The following MST1R variants were observed in gnomAD, a reference collection of about 807,000 sequenced individuals.
MST1R encodes macrophage-stimulating protein receptor.
Under a neutral mutation model 117.8 loss-of-function variants are expected in MST1R, and 99 were observed. The ratio of observed to expected loss-of-function variants is 0.84; its 90% CI spans 0.71 to 0.99. The LOEUF is 0.99. MST1R is among the 50% of genes least tolerant of loss of function. The pLI is 0.00. For missense variants in MST1R, 1,683 were observed against 1,840.2 expected, an observed-to-expected ratio of 0.91 and a Z score of 1.56; for synonymous variants, 734 against 765.3, an observed-to-expected ratio of 0.96 and a Z score of 0.68.
At chr3:49,897,130 G>A in intron 7 of MST1R, 150 bp downstream of exon 7, 1 of 1,263,148 alleles carries the variant, frequency 7.9e-7, no homozygotes. Flanking sequence ...TTGCCTCTGG[G>A]CTGAAGAGGG....
chr3:49,887,652 C>G, intron 19 of MST1R, 90 bp from the exon 20 acceptor site: 1 of 1,449,778 alleles, frequency 6.9e-7, no homozygotes, highest in Non-Finnish European at 9.5e-7. Flanking sequence ...GCAGGCCACA[C>G]AGGGATGAGG....
chr3:49,893,910 A>AAAAAT (rs1553624736), intron 14 of MST1R, among the ~76,000 whole-genome samples: 29 of 133,284 alleles, frequency 2.2e-4, no homozygotes, highest in South Asian at 6.9e-4. Context: ...AAAAAAAAAA[A>AAAAAT]AAAATAAAAT....
chr3:49,900,059 C>T (rs1287321503), intron 1 of MST1R, among the ~76,000 whole-genome samples: 3 of 152,302 alleles, frequency 2.0e-5, no homozygotes, highest in East Asian at 1.9e-4. Context: ...CTCTGGGCTT[C>T]GGTTTCCCCA....
intron 14 of MST1R, among the ~76,000 whole-genome samples, chr3:49,892,691 T>C (rs1215834434): frequency 6.9e-6 from 1 of 145,326 alleles, no homozygotes; most frequent in Non-Finnish European, 1.5e-5. Flanking sequence ...AAAAGGCTCA[T>C]GCCTTTAATC....
Position 49,903,420 on chromosome 3 carries a change from C to A in MST1R, c.190G>T (p.Asp64Tyr), listed in dbSNP as rs771749749. The change falls in exon 1 of 20, where the codon GAC becomes TAC. Residue 64 changes from aspartate to tyrosine, a missense_variant. Asp to Tyr is a radical substitution (Grantham distance 160). Transcript: ENST00000296474. Reference sequence around the variant, plus strand: ...ACAAACACAGCACTCTCATTTCTGTCGCCCTCGTAGGTCACCATGGCCTGT... The same window carrying A: ...ACAAACACAGCACTCTCATTTCTGTAGCCCTCGTAGGTCACCATGGCCTGT... ...LVQAMVTYEG[D>Y]RNESAVFVAI... is the part of the protein sequence containing the mutation. 1.9e-6 allele frequency: 3 copies of A among 1,613,904 alleles called. No individual in the cohort carries two copies. The East Asian group carries it at 6.7e-5, about 36-fold the overall frequency.
rs66742220 is a variant in MST1R at position 49,899,560 on chromosome 3, C to CT, written c.1231-298dup. On this transcript the variant is annotated intron_variant, in intron 1 of 19. Transcript: ENST00000296474. The stretch of plus-strand genomic sequence containing the variant: ...CCATCCTCACAACCACCCCGTACAT[C>CT]TTTTTTTTTTTTTTTTTTTTTTTTT... 7.5e-3 allele frequency: 495 copies of CT among 66,294 alleles called. 47 individuals carry two copies. Among genetic ancestry groups the CT allele is most frequent in the East Asian group, 0.016 (27 of 1,734 alleles). 4.1% of individuals were successfully genotyped at this position (66,294 alleles called of 1,614,324 possible). A position where few individuals can be genotyped will look rare whatever the true frequency, so the allele number is the denominator to read the frequency against.
chr3:49,902,401 C>A lies in MST1R; in HGVS notation c.1209G>T (p.Ser403=). 2 of 1,613,602 alleles carry A rather than the reference C, an allele frequency of 1.2e-6. No individual in the cohort carries two copies. Among genetic ancestry groups the A allele is most frequent in the South Asian group, 1.1e-5 (1 of 91,058 alleles). The change falls in exon 1 of 20, where the codon TCG becomes TCT. Residue 403 remains serine, a synonymous_variant. Coordinates refer to ENST00000296474, the MANE Select transcript of MST1R (RefSeq NM_002447.4). Reference sequence around the variant, plus strand: ...TTACCGGGTTGGGGCAAAAACTGGGCGACTGGAAGAAGTCGAGGCCTCGCC... The same window carrying A: ...TTACCGGGTTGGGGCAAAAACTGGGAGACTGGAAGAAGTCGAGGCCTCGCC... The part of the protein sequence containing the change: ...GLRRGLDFFQ[S]PSFCPNPPGL...
chr3:49,902,100 G>C (rs889070398), intron 1 of MST1R, among the ~76,000 whole-genome samples: 10 of 152,128 alleles, frequency 6.6e-5, no homozygotes, highest in Admixed American at 6.6e-4. Flanking sequence ...CACATAGCCA[G>C]GGAAACTACC....
intron 14 of MST1R, among the ~76,000 whole-genome samples, chr3:49,893,393 T>G (rs1014582814): frequency 2.0e-5 from 3 of 149,468 alleles, no homozygotes; most frequent in South Asian, 4.3e-4. Flanking sequence ...CACCTGAGGT[T>G]AGGAGTTTGA....
Position 49,896,628 on chromosome 3 carries a change from G to A in MST1R, c.2351C>T (p.Ser784Phe). Reference protein sequence around the residue: ...SISPNCGYINSHITICGQHLT... With the variant: ...SISPNCGYINFHITICGQHLT... ...ATGCTGGCCACAGATGGTGATGTGG[G>A]AGTTGCTGTGGAAGAGGGTAGGGTG... The change falls in exon 9 of 20, where the codon TCC (serine) becomes TTC (phenylalanine). Residue 784 changes from serine (S) to phenylalanine (F), a missense_variant. Physicochemically the swap from Ser to Phe is radical, Grantham distance 155. Transcript: ENST00000296474. 1.2e-6 allele frequency: 2 copies of A among 1,614,154 alleles called. No individual in the cohort carries two copies. Among genetic ancestry groups the A allele is most frequent in the Non-Finnish European group, 1.7e-6 (2 of 1,179,972 alleles).
In MST1R at chr3:49,896,833, G is replaced by C. The variant is rs761308530; in HGVS notation, c.2241C>G (p.Val747=). The C allele has an allele frequency of 1.3e-5, 20 of 1,556,180 alleles. No individual in the cohort carries two copies. Among genetic ancestry groups the C allele is most frequent in the East Asian group, 2.4e-5 (1 of 41,548 alleles). ...ATPPGATVAS[V]PLSLQVGGAQ... ...CACCCCCCACCTGCAGGCTAAGGGG[G>C]ACACTGGCCACCGTGGCCCCAGGGG... Residue 747 remains valine, a synonymous_variant, in exon 8 of 20, where the codon GTC becomes GTG. Transcript: ENST00000296474.
intron 14 of MST1R, among the ~76,000 whole-genome samples, chr3:49,893,898 C>CAAAA (rs1442289482): frequency 1.5e-5 from 2 of 130,052 alleles, no homozygotes; most frequent in Non-Finnish European, 3.3e-5. Context: ...GACTCCCTCT[C>CAAAA]AAAAAAAAAA....
chr3:49,897,869 A>T, intron 5 of MST1R, 182 bp downstream of exon 5: 1 of 1,134,184 alleles, frequency 8.8e-7, no homozygotes, highest in South Asian at 1.5e-5. Flanking sequence ...GTGAACAGAC[A>T]GGAAGGGCAC....
Position 49,896,896 on chromosome 3 carries a change from G to A in MST1R, c.2184-6C>T, listed in dbSNP as rs1300846603. 6.7e-7 allele frequency: 1 copy of A among 1,493,100 alleles called. No individual in the cohort carries two copies. The highest frequency in any genetic ancestry group is 1.4e-5 in the African/African-American group (1 of 71,184). The allele number at this position is 1,493,100 out of a possible 1,614,324, so 92.5% of individuals were successfully genotyped here. On this transcript the variant is annotated splice_polypyrimidine_tract_variant and splice_region_variant and intron_variant, in intron 7 of 19. Coordinates refer to ENST00000296474, the MANE Select transcript of MST1R (RefSeq NM_002447.4). ...AAAGCTGCCCCTCACTGACCCTACAGGAACAAGAGATTGGGCTCAAGGTTA... is the reference window on the plus strand; with the variant it reads ...AAAGCTGCCCCTCACTGACCCTACAAGAACAAGAGATTGGGCTCAAGGTTA...
Position 49,902,497 on chromosome 3 carries a change from A to G in MST1R, c.1113T>C (p.Ile371=). ...CATCAATTAGTGTGTCCAGCAGGTC[A>G]ATGGGGAAGGCACAGACGACAGAGT... ...GPNSVVCAFP[I]DLLDTLIDEG... is the part of the protein sequence containing the mutation. Residue 371 remains isoleucine, a synonymous_variant, in exon 1 of 20, where the codon ATT becomes ATC. Transcript: ENST00000296474. The G allele has an allele frequency of 6.2e-7, 1 of 1,614,164 alleles. No homozygotes were observed. Among genetic ancestry groups the G allele is most frequent in the Non-Finnish European group, 8.5e-7 (1 of 1,180,046 alleles).
At position 49,898,864 on chromosome 3, in the gene MST1R, C is replaced by T. The variant is rs372905243; in HGVS notation, c.1548+3G>A. 1.9e-6 allele frequency: 3 copies of T among 1,613,922 alleles called. No homozygotes were observed. Among genetic ancestry groups the T allele is most frequent in the African/African-American group, 2.7e-5 (2 of 74,952 alleles). On this transcript the variant is annotated splice_donor_region_variant and intron_variant, in intron 3 of 19. Transcript: ENST00000296474. The stretch of plus-strand genomic sequence containing the variant: ...CCCCAGGCCCTGCCCCTGCCCACCT[C>T]ACCTGGTCCCCAGAGGCAAAGAGTA...
rs149920380 is a variant in MST1R, at chr3:49,891,261, G to A, written c.3580C>T (p.Arg1194Cys). ...DLISFGLQVARGMEYLAEQKF... is the reference protein window; with the variant it reads ...DLISFGLQVACGMEYLAEQKF... ...TGCTCTGCCAGGTACTCCATGCCGC[G>A]GGCTACCTGCAGGCCAAAGCTGATG... is the stretch of plus-strand genomic sequence containing the variant. Residue 1194 changes from arginine (R) to cysteine (C), a missense_variant, in exon 17 of 20, where the codon CGC (arginine) becomes TGC (cysteine). Arg to Cys is a radical substitution (Grantham distance 180). Transcript: ENST00000296474. 1.2e-4 allele frequency: 186 copies of A among 1,614,100 alleles called. No homozygotes were observed. Among genetic ancestry groups the A allele is most frequent in the Non-Finnish European group, 1.4e-4 (170 of 1,180,036 alleles).
At chr3:49,902,305 G>A (rs2082705505) in intron 1 of MST1R, 75 bp downstream of exon 1, 2 of 1,529,226 alleles carry the variant, frequency 1.3e-6, no homozygotes, top group Non-Finnish European at 1.8e-6. Flanking sequence ...GATCCCCTCA[G>A]TGATGGAAGG....
intron 4 of MST1R, 137 bp downstream of exon 4, chr3:49,898,381 C>A: frequency 7.4e-7 from 1 of 1,355,436 alleles, no homozygotes; most frequent in Non-Finnish European, 1.0e-6. Context: ...GTGGCATCCC[C>A]TCTGACAAGA....
Sources: gnomAD v4.1 joint callset for allele counts (sites outside exome capture counted in the v4.1 genomes callset) on GRCh38, gnomAD v4.1.1 for gene constraint, MANE v1.5 for transcripts, NCBI Gene and HGNC (gene_info 2026-07-23, HGNC 2026-07-21) for gene names.